ATP4A: variants seen among roughly 807,000 people sequenced by gnomAD.
ATP4A encodes ATPase H+/K+ transporting subunit alpha.
ATP4A carries 73 observed loss-of-function variants against 112.1 expected under a neutral mutation model. That is an observed-to-expected ratio of 0.65 (90% confidence interval 0.54 to 0.79). The LOEUF (loss-of-function observed/expected upper bound fraction) is 0.79. ATP4A is among the 30% of genes least tolerant of loss of function. The pLI, the probability that ATP4A is intolerant of heterozygous loss-of-function variation, is 0.00. For synonymous variants in ATP4A, 588 were observed against 588.9 expected (o/e 1.00, Z 0.02); for missense variants, 1,081 against 1,425.9 (o/e 0.76, Z 3.90).
intron 18 of ATP4A, among the ~76,000 whole-genome samples, chr19:35,552,204 G>A (rs1421320528): frequency 6.6e-6 from 1 of 152,170 alleles, no homozygotes; most frequent in Non-Finnish European, 1.5e-5. Flanking sequence ...GTGCCACCAT[G>A]CCTGGCAACA....
In ATP4A at chr19:35,558,072, G is replaced by A. The variant is rs1018447848; in HGVS notation, c.1501-225C>T. The A allele has an allele frequency of 6.6e-6, 4 of 608,246 alleles. No individual in the cohort carries two copies. Among genetic ancestry groups the A allele is most frequent in the African/African-American group, 3.7e-5 (2 of 53,598 alleles). The allele number at this position is 608,246 out of a possible 1,614,324, so 37.7% of individuals were successfully genotyped here. On this transcript the variant is annotated intron_variant, in intron 10 of 21. Coordinates refer to ENST00000262623, the MANE Select transcript of ATP4A (RefSeq NM_000704.3). This position sits in a 1 kb window ranked among gnomAD's most constrained non-coding sequence, Gnocchi z 5.1. ...TAGGTGCAGATTTGGAGTCCTGGAC[G>A]CAGGGAATGAACAGAATTAGGGTGC...
chr19:35,558,772 G>T lies in ATP4A; in HGVS notation c.1256-86C>A. ...CCCCTCCTCCTAGGCTCATATCGCG[G>T]GCCCCCTCCCCAGACCTGGGTGGAA... is the stretch of plus-strand genomic sequence containing the variant. On this transcript the variant is annotated intron_variant, in intron 8 of 21. Coordinates refer to ENST00000262623, the MANE Select transcript of ATP4A (RefSeq NM_000704.3). This position sits in a 1 kb window ranked among gnomAD's most constrained non-coding sequence, Gnocchi z 5.1. 7.1e-7 allele frequency: 1 copy of T among 1,409,188 alleles called. No individual in the cohort carries two copies. The highest frequency in any genetic ancestry group is 2.5e-5 in the East Asian group (1 of 40,310). 87.3% of individuals were successfully genotyped at this position (1,409,188 alleles called of 1,614,324 possible).
rs1023422591 is a variant in ATP4A at position 35,557,971 on chromosome 19, C to T, written c.1501-124G>A. The T allele has an allele frequency of 7.5e-6, 6 of 801,502 alleles. No homozygotes were observed. The highest frequency in any genetic ancestry group is 5.4e-5 in the African/African-American group (3 of 55,292). The allele number at this position is 801,502 out of a possible 1,614,324, so 49.6% of individuals were successfully genotyped here. On this transcript the variant is annotated intron_variant, in intron 10 of 21. Transcript: ENST00000262623. The surrounding 1 kb of genome is among the most constrained non-coding windows in gnomAD (Gnocchi z 4.4). ...AGCTCGGTGCGGGCTCTGAGAGCTG[C>T]GGGGAAGGGTGAAGGTGGAAGATGG...
Position 35,562,462 on chromosome 19 carries a change from A to G in ATP4A, c.393T>C (p.Ser131=), listed in dbSNP as rs1291512211. 1.4e-5 allele frequency: 23 copies of G among 1,613,974 alleles called. No individual in the cohort carries two copies. Among genetic ancestry groups the G allele is most frequent in the Non-Finnish European group, 1.9e-5 (23 of 1,180,010 alleles). The change falls in exon 4 of 22, where the codon AGT becomes AGC. Residue 131 remains serine (S), a synonymous_variant. Transcript: ENST00000262623. ...ICLIAFAIQA[S]EGDLTTDDNL... ...TGTCGTCGGTGGTGAGGTCCCCCTCACTAGCCTGGATGGCAAAGGCGATGA... is the reference window on the plus strand; with the variant it reads ...TGTCGTCGGTGGTGAGGTCCCCCTCGCTAGCCTGGATGGCAAAGGCGATGA...
Position 35,558,458 on chromosome 19 carries a change from G to A in ATP4A, c.1404C>T (p.Leu468=). 6.2e-7 allele frequency: 1 copy of A among 1,602,364 alleles called. No individual in the cohort carries two copies. Among genetic ancestry groups the A allele is most frequent in the East Asian group, 2.3e-5 (1 of 44,400 alleles). ...TGCCCAGCGTCAGCTCCGAGAACTT[G>A]AGCAGCGCCGTCTCCGATGCGTCTC... ...VIGDASETAL[L]KFSELTLGNA... Residue 468 remains leucine, a synonymous_variant, in exon 10 of 22, where the codon CTC becomes CTT. Transcript: ENST00000262623. This position sits in a 1 kb window ranked among gnomAD's most constrained non-coding sequence, Gnocchi z 5.1.
In ATP4A at chr19:35,557,907, A is replaced by G. The variant is rs915913; in HGVS notation, c.1501-60T>C. 3.5e-5 allele frequency: 9 copies of G among 258,448 alleles called. No homozygotes were observed. Among genetic ancestry groups the G allele is most frequent in the Middle Eastern group, 1.2e-3 (1 of 838 alleles). 16.0% of individuals were successfully genotyped at this position (258,448 alleles called of 1,614,324 possible). ...GGGGAACGGGGCGGGGCTGTGGACGAGGGAACGGGGCGGGGCTGAGGAGAG... is the reference window on the plus strand; with the variant it reads ...GGGGAACGGGGCGGGGCTGTGGACGGGGGAACGGGGCGGGGCTGAGGAGAG... On this transcript the variant is annotated intron_variant, in intron 10 of 21. Transcript: ENST00000262623. This position sits in a 1 kb window ranked among gnomAD's most constrained non-coding sequence, Gnocchi z 4.4.
In ATP4A at chr19:35,555,073, C is replaced by T. The variant is rs369099819; in HGVS notation, c.2330G>A (p.Arg777Gln). ...CTTCTTCAGGTTGTCGAAGATCAGTCGACCTGTGGGGTAGGGTGGGCACCT... is the reference window on the plus strand; with the variant it reads ...CTTCTTCAGGTTGTCGAAGATCAGTTGACCTGTGGGGTAGGGTGGGCACCT... ...ASIVTGVEQGRLIFDNLKKSI... is the reference protein window; with the variant it reads ...ASIVTGVEQGQLIFDNLKKSI... The change falls in exon 16 of 22, where the codon CGA (arginine) becomes CAA (glutamine). Residue 777 changes from arginine to glutamine, a missense_variant. Physicochemically the swap from Arg to Gln is conservative, Grantham distance 43 (BLOSUM62 1). Transcript: ENST00000262623. This position sits in a 1 kb window ranked among gnomAD's most constrained non-coding sequence, Gnocchi z 6.6. 1.9e-5 allele frequency: 31 copies of T among 1,613,122 alleles called. No individual in the cohort carries two copies. The highest frequency in any genetic ancestry group is 5.5e-5 in the South Asian group (5 of 90,950).
At position 35,553,192 on chromosome 19, in the gene ATP4A, G is replaced by A. The variant is rs774213857; in HGVS notation, c.2606-10C>T. The stretch of plus-strand genomic sequence containing the variant: ...AAGGACTGAATGGCACCTGGAGAGA[G>A]ACAAGGGGACACAGGGAGACAGAGA... On this transcript the variant is annotated splice_polypyrimidine_tract_variant and intron_variant, in intron 17 of 21. Transcript: ENST00000262623. 7.6e-6 allele frequency: 12 copies of A among 1,588,738 alleles called. No individual in the cohort carries two copies. The highest frequency in any genetic ancestry group is 1.7e-4 in the Middle Eastern group (1 of 5,982).
In ATP4A at chr19:35,563,537, G is replaced by A. The variant is rs1161056742; in HGVS notation, c.13-10C>T. 6.2e-7 allele frequency: 1 copy of A among 1,614,038 alleles called. No individual in the cohort carries two copies. The highest frequency in any genetic ancestry group is 2.2e-5 in the East Asian group (1 of 44,870). ...AGAGCTCATAGTTCTCCTGGGAATGGACAGGATGGAGGGAGGGAGAACTCA... is the reference window on the plus strand; with the variant it reads ...AGAGCTCATAGTTCTCCTGGGAATGAACAGGATGGAGGGAGGGAGAACTCA... On this transcript the variant is annotated splice_polypyrimidine_tract_variant and intron_variant, in intron 1 of 21. Transcript: ENST00000262623.
chr19:35,550,733 A>G lies in ATP4A; in HGVS notation c.3080-90T>C. On this transcript the variant is annotated intron_variant, in intron 21 of 21. Coordinates refer to ENST00000262623, the MANE Select transcript of ATP4A (RefSeq NM_000704.3). The surrounding 1 kb of genome is among the most constrained non-coding windows in gnomAD (Gnocchi z 4.1). Reference sequence around the variant, plus strand: ...CAGAGGTCAGTGCTGGTTGCTATGGAGGGTCAAGGGCTTAGAGGCCAAGTG... The same window carrying G: ...CAGAGGTCAGTGCTGGTTGCTATGGGGGGTCAAGGGCTTAGAGGCCAAGTG... The G allele has an allele frequency of 6.2e-7, 1 of 1,608,396 alleles. No homozygotes were observed. The highest frequency in any genetic ancestry group is 1.1e-5 in the South Asian group (1 of 90,952).
rs374491617 is a variant in ATP4A, at chr19:35,551,439, A to G, written c.2885+8T>C. 19 of 1,613,900 alleles carry G rather than the reference A, an allele frequency of 1.2e-5. No homozygotes were observed. In the African/African-American group the frequency reaches 2.5e-4, roughly 22 times the overall value. ...TTGGAGGGCAGGAAGAGGGCCAGCC[A>G]GGGACACCTGAAGAAGCCTTGCTGG... On this transcript the variant is annotated splice_region_variant and intron_variant, in intron 19 of 21. Transcript: ENST00000262623. The surrounding 1 kb of genome is among the most constrained non-coding windows in gnomAD (Gnocchi z 5.2).
At chr19:35,556,150 A>G (rs531894164) in intron 12 of ATP4A, among the ~76,000 whole-genome samples, 5 of 152,208 alleles carry the variant, frequency 3.3e-5, no homozygotes, top group African/African-American at 9.6e-5. Context: ...GTAAGAGGTG[A>G]GAGAGTCAGC....
At position 35,559,090 on chromosome 19, in the gene ATP4A, C is replaced by T. The variant is rs780393384; in HGVS notation, c.1158G>A (p.Ser386=). ...TCTGAGTGAGAGTCCCTGTCTTGTC[C>T]GAGCAGATCACCGAAGTGGAGCCCA... ...ETLGSTSVIC[S]DKTGTLTQNR... The change falls in exon 8 of 22, where the codon TCG becomes TCA. Residue 386 remains serine (S), a synonymous_variant. Coordinates refer to ENST00000262623, the MANE Select transcript of ATP4A (RefSeq NM_000704.3). This position sits in a 1 kb window ranked among gnomAD's most constrained non-coding sequence, Gnocchi z 4.1. 1 of 1,614,182 alleles carries T rather than the reference C, an allele frequency of 6.2e-7. No individual in the cohort carries two copies. Among genetic ancestry groups the T allele is most frequent in the South Asian group, 1.1e-5 (1 of 91,086 alleles).
Position 35,550,971 on chromosome 19 carries a change from A to G in ATP4A, c.2987+39T>C, listed in dbSNP as rs866954095. Reference sequence around the variant, plus strand: ...GAAGGCCATCCCAGGCCTGTGCCCTACAGCCCCCTCCCTGTCCTTGCCCCT... The same window carrying G: ...GAAGGCCATCCCAGGCCTGTGCCCTGCAGCCCCCTCCCTGTCCTTGCCCCT... On this transcript the variant is annotated intron_variant, in intron 20 of 21. Coordinates refer to ENST00000262623, the MANE Select transcript of ATP4A (RefSeq NM_000704.3). This position sits in a 1 kb window ranked among gnomAD's most constrained non-coding sequence, Gnocchi z 4.1. 5 of 1,613,122 alleles carry G rather than the reference A, an allele frequency of 3.1e-6. No homozygotes were observed. Among genetic ancestry groups the G allele is most frequent in the Middle Eastern group, 3.3e-4 (2 of 6,082 alleles).
At chr19:35,554,117 G>A (rs1044260517) in intron 16 of ATP4A, among the ~76,000 whole-genome samples, 2 of 151,990 alleles carry the variant, frequency 1.3e-5, no homozygotes, top group African/African-American at 4.8e-5. Flanking sequence ...CCTGTCTCCA[G>A]TGTAATTCTC....
chr19:35,553,254 T>G, intron 17 of ATP4A, 72 bp from the exon 18 acceptor site: 1 of 1,504,634 alleles, frequency 6.6e-7, no homozygotes, highest in Non-Finnish European at 9.0e-7. Context: ...GAGAGGGACA[T>G]GGAGAGACAG....
chr19:35,560,851 T>C lies in ATP4A; in HGVS notation c.502A>G (p.Ile168Val). Residue 168 changes from isoleucine (I) to valine (V), a missense_variant, in exon 5 of 22, where the codon ATC becomes GTC. Ile to Val is a conservative substitution (Grantham distance 29). Transcript: ENST00000262623. This position sits in a 1 kb window ranked among gnomAD's most constrained non-coding sequence, Gnocchi z 5.1. ...ACAAGGTTCTTAAAGCTGGCGATGA[T>C]GTTGGTGCTCTTGAATTCCTGGTAG... ...GYYQEFKSTNIIASFKNLVPQ... is the reference protein window; with the variant it reads ...GYYQEFKSTNVIASFKNLVPQ... 1 of 1,613,924 alleles carries C rather than the reference T, an allele frequency of 6.2e-7. No homozygotes were observed. Among genetic ancestry groups the C allele is most frequent in the Non-Finnish European group, 8.5e-7 (1 of 1,179,950 alleles).
In ATP4A at chr19:35,555,004, G is replaced by A; in HGVS notation, c.2399C>T (p.Pro800Leu). 2 of 1,614,174 alleles carry A rather than the reference G, an allele frequency of 1.2e-6. No homozygotes were observed. The highest frequency in any genetic ancestry group is 1.7e-6 in the Non-Finnish European group (2 of 1,180,036). Residue 800 changes from proline to leucine, a missense_variant, in exon 16 of 22, where the codon CCC becomes CTC. Around this residue, in one of 3 missense-constraint regions of ATP4A, gnomAD observed 219 missense variants for 320.9 expected, o/e 0.68. Transcript: ENST00000262623. This position sits in a 1 kb window ranked among gnomAD's most constrained non-coding sequence, Gnocchi z 6.6. Reference sequence around the variant, plus strand: ...GCTGACGGTGATGTAGATGAGGTAGGGTGTCAGCTCTGGGATGTTCTTGGT... The same window carrying A: ...GCTGACGGTGATGTAGATGAGGTAGAGTGTCAGCTCTGGGATGTTCTTGGT... ...TLTKNIPELT[P>L]YLIYITVSVP...
Position 35,557,722 on chromosome 19 carries a change from G to A in ATP4A, c.1626C>T (p.Asp542=), listed in dbSNP as rs773688960. 3 of 1,607,678 alleles carry A rather than the reference G, an allele frequency of 1.9e-6. No homozygotes were observed. The highest frequency in any genetic ancestry group is 2.5e-6 in the Non-Finnish European group (3 of 1,177,204). The change falls in exon 11 of 22, where the codon GAC becomes GAT. Residue 542 remains aspartate, a synonymous_variant. Transcript: ENST00000262623. This position sits in a 1 kb window ranked among gnomAD's most constrained non-coding sequence, Gnocchi z 4.4. ...TCTGGAAGGCCTCGCGCCACTGCTC[G>A]TCCAGCGGCAGCTCCTGGCCCTTGA... is the stretch of plus-strand genomic sequence containing the variant. The part of the protein sequence containing the change: ...ILIKGQELPL[D]EQWREAFQTA...
Sources: allele counts gnomAD v4.1 joint callset (sites outside exome capture counted in the v4.1 genomes callset), GRCh38; gene constraint gnomAD v4.1.1; regional missense constraint gnomAD v4.1.1; non-coding constraint Gnocchi (gnomAD v3.1); transcripts MANE v1.5; gene names NCBI Gene and HGNC (gene_info 2026-07-23, HGNC 2026-07-21).